Variants in PDE4D observed in about 807,000 individuals in gnomAD.
PDE4D encodes the protein 3',5'-cyclic-AMP phosphodiesterase 4D.
In PDE4D, 24 loss-of-function variants were observed where a neutral mutation model predicts 87.4. The ratio of observed to expected loss-of-function variants is 0.27; its 90% CI spans 0.20 to 0.39. The LOEUF (loss-of-function observed/expected upper bound fraction) is 0.39, where lower values mean the gene tolerates loss of function less well. PDE4D is among the 10% of genes least tolerant of loss of function. PDE4D has a pLI of 1.00. For synonymous variants in PDE4D, 384 were observed against 383.2 expected, an observed-to-expected ratio of 1.00 and a Z score of -0.02; for missense variants, 714 against 1,041.0, an observed-to-expected ratio of 0.69 and a Z score of 4.32.
chr5:60,081,299 G>A (rs1298663364), intron 2 of PDE4D, among the ~76,000 whole-genome samples: 1 of 148,792 alleles, frequency 6.7e-6, no homozygotes, highest in Non-Finnish European at 1.5e-5. Flanking sequence ...TCTAGCTAGT[G>A]GTCTATCTAT....
At chr5:60,272,981 A>G (rs905834998) in intron 1 of PDE4D, among the ~76,000 whole-genome samples, 2 of 152,174 alleles carry the variant, frequency 1.3e-5, no homozygotes, top group African/African-American at 4.8e-5. Flanking sequence ...CTTATTTACC[A>G]TGGCAGGTTC....
At chr5:59,834,146 C>G (rs868766575) in intron 1 of PDE4D, among the ~76,000 whole-genome samples, 5 of 152,158 alleles carry the variant, frequency 3.3e-5, no homozygotes, top group Admixed American at 1.3e-4. Flanking sequence ...TCTGTCTAAG[C>G]AAATACACCC....
intron 1 of PDE4D, among the ~76,000 whole-genome samples, chr5:59,559,432 G>T (rs1819555469): frequency 6.6e-6 from 1 of 152,138 alleles, no homozygotes; most frequent in Non-Finnish European, 1.5e-5. Context: ...TTTATTACAT[G>T]GACTTTGTTT....
rs1582207951 is a variant in PDE4D, at chr5:59,371,263, C to A, written c.456-155295G>T. On this transcript the variant is annotated intron_variant, in intron 1 of 14. Transcript: ENST00000340635. ...ATACGTTAGGAGTGGGACCTTTGTT[C>A]CATTTAGAAGTGAAAACTTACCAAG... is the stretch of plus-strand genomic sequence containing the variant. 2.0e-5 allele frequency among the ~76,000 whole-genome samples: 3 copies of A among 152,140 alleles called. No homozygotes were observed. In the East Asian group the frequency reaches 5.8e-4, roughly 29 times the overall value.
Position 59,719,674 on chromosome 5 carries a change from TA to T in PDE4D, c.455+173493del, listed in dbSNP as rs1755547885. Among the ~76,000 whole-genome samples the T allele has an allele frequency of 5.3e-5, 8 of 152,292 alleles. No homozygotes were observed. In the South Asian group the frequency reaches 1.7e-3, roughly 32 times the overall value. On this transcript the variant is annotated intron_variant, in intron 1 of 14. Coordinates refer to ENST00000340635, the MANE Select transcript of PDE4D (RefSeq NM_001104631.2). ...CATGCATTAATGAATGAAATTACAA[TA>T]TTATTTAAGTAGAAGTTTTATCCCA...
chr5:59,199,595 C>T (rs751054090), intron 2 of PDE4D, among the ~76,000 whole-genome samples: 4 of 152,042 alleles, frequency 2.6e-5, no homozygotes, highest in Non-Finnish European at 5.9e-5. Flanking sequence ...AGCCTAAAAA[C>T]TATCATCCAT....
intron 1 of PDE4D, among the ~76,000 whole-genome samples, chr5:60,434,405 C>T (rs932178228): frequency 1.5e-4 from 22 of 151,656 alleles, no homozygotes; most frequent in Non-Finnish European, 1.5e-5. Flanking sequence ...ACACATCTCA[C>T]TGGGCTGAGG....
intron 3 of PDE4D, among the ~76,000 whole-genome samples, chr5:59,971,012 G>T (rs866931572): frequency 1.3e-5 from 2 of 151,966 alleles, no homozygotes; most frequent in African/African-American, 4.8e-5. Context: ...ATACACCATG[G>T]AATACTATGT....
chr5:59,273,326 CAT>C (rs780612098), intron 1 of PDE4D, among the ~76,000 whole-genome samples: 2 of 151,792 alleles, frequency 1.3e-5, no homozygotes, highest in Admixed American at 6.6e-5. Flanking sequence ...CTCAAGTAAA[CAT>C]GTGTGTGTGT....
chr5:59,860,090 A>G (rs1746033886), intron 1 of PDE4D, among the ~76,000 whole-genome samples: 1 of 152,220 alleles, frequency 6.6e-6, no homozygotes, highest in South Asian at 2.1e-4. Context: ...AGGGATAGCT[A>G]TAAGGACCCG....
chr5:59,996,866 A>G (rs1260135636), intron 2 of PDE4D, among the ~76,000 whole-genome samples: 1 of 151,742 alleles, frequency 6.6e-6, no homozygotes, highest in Non-Finnish European at 1.5e-5. Context: ...CAAAGATAAC[A>G]GATAGGTTTC....
chr5:59,333,353 G>T (rs941523046), intron 1 of PDE4D, among the ~76,000 whole-genome samples: 2 of 152,088 alleles, frequency 1.3e-5, no homozygotes, highest in African/African-American at 4.8e-5. Flanking sequence ...GAAGGGGGAA[G>T]TTACATTAAA....
intron 1 of PDE4D, among the ~76,000 whole-genome samples, chr5:59,772,407 C>T (rs1470951433): frequency 6.6e-6 from 1 of 152,148 alleles, no homozygotes; most frequent in African/African-American, 2.4e-5. Flanking sequence ...ATAAAGTCAC[C>T]CACGCCTAGA....
chr5:59,715,857 G>C (rs1754939293), intron 1 of PDE4D, among the ~76,000 whole-genome samples: 1 of 152,194 alleles, frequency 6.6e-6, no homozygotes. Flanking sequence ...TCATAACCTG[G>C]AGTTGTTGCT....
At chr5:59,148,754 G>GT (rs1779036099) in intron 5 of PDE4D, among the ~76,000 whole-genome samples, 6 of 145,482 alleles carry the variant, frequency 4.1e-5, no homozygotes, top group South Asian at 2.2e-4. Context: ...AATATATAGC[G>GT]GTGTGTGTGT....
At chr5:59,127,678 G>T (rs1309212954) in intron 5 of PDE4D, among the ~76,000 whole-genome samples, 1 of 143,524 alleles carries the variant, frequency 7.0e-6, no homozygotes, top group Non-Finnish European at 1.5e-5. Context: ...GCAATTGCTT[G>T]GTGTGGTTTC....
intron 1 of PDE4D, among the ~76,000 whole-genome samples, chr5:59,869,406 G>T (rs1297460553): frequency 6.6e-6 from 1 of 152,146 alleles, no homozygotes; most frequent in Admixed American, 6.6e-5. Context: ...TGCTGAATTA[G>T]GTCAAAATCA....
intron 1 of PDE4D, among the ~76,000 whole-genome samples, chr5:59,839,816 A>G (rs1349933479): frequency 6.6e-6 from 1 of 152,064 alleles, no homozygotes; most frequent in Admixed American, 6.5e-5. Context: ...AAGTCATATA[A>G]CTGTAGCTTG....
chr5:59,213,118 CCTT>C (rs1238319012), intron 2 of PDE4D, among the ~76,000 whole-genome samples: 3 of 150,844 alleles, frequency 2.0e-5, no homozygotes, highest in African/African-American at 7.3e-5. Context: ...TTCTCCTTCT[CCTT>C]CTTCTCTTCT....
Sources: gnomAD v4.1 joint callset for allele counts (sites outside exome capture counted in the v4.1 genomes callset) on GRCh38, gnomAD v4.1.1 for gene constraint, MANE v1.5 for transcripts, NCBI Gene and HGNC (gene_info 2026-07-23, HGNC 2026-07-21) for gene names.